The following LIN7A variants were observed in gnomAD, a reference collection of about 807,000 sequenced individuals.
LIN7A encodes lin-7 cell polarity scaffold A.
In LIN7A, 25 loss-of-function variants were observed where a neutral mutation model predicts 29.8. The observed-to-expected ratio is 0.84, with a 90% CI of 0.61 to 1.17. The LOEUF (loss-of-function observed/expected upper bound fraction) is 1.17, where lower values mean the gene tolerates loss of function less well. Ranked by LOEUF, LIN7A falls within the 50% of genes most tolerant of loss-of-function variation. LIN7A has a pLI of 0.00. For synonymous variants in LIN7A, 118 were observed against 107.5 expected, an observed-to-expected ratio of 1.10 and a Z score of -0.60; for missense variants, 239 against 287.0, an observed-to-expected ratio of 0.83 and a Z score of 1.21.
rs992266784 is a variant in LIN7A, at chr12:80,797,010, T to A, written c.*717A>T. 1.6e-4 allele frequency: 24 copies of A among 152,076 alleles called. No homozygotes were observed. The highest frequency in any genetic ancestry group is 3.9e-4 in the Admixed American group (6 of 15,264). 9.4% of individuals were successfully genotyped at this position (152,076 alleles called of 1,614,324 possible). ...ATACATTATACTCTGTTGGAATTAA[T>A]AATAATAGATACAAGCAATAATTAA... On this transcript the variant is annotated 3_prime_UTR_variant, in exon 6 of 6. Transcript: ENST00000552864.
chr12:80,860,617 C>T (rs1873821172), intron 2 of LIN7A, among the ~76,000 whole-genome samples: 1 of 152,154 alleles, frequency 6.6e-6, no homozygotes. Context: ...GTAATGCTGG[C>T]AGGAATCAAA....
At chr12:80,897,183 C>T (rs1277889089) in intron 1 of LIN7A, among the ~76,000 whole-genome samples, 1 of 151,416 alleles carries the variant, frequency 6.6e-6, no homozygotes, top group Non-Finnish European at 1.5e-5. Flanking sequence ...TTTTGCCTTC[C>T]TTTCTGTTTC....
chr12:80,920,862 T>C (rs1270455484), intron 1 of LIN7A, among the ~76,000 whole-genome samples: 2 of 152,296 alleles, frequency 1.3e-5, no homozygotes, highest in East Asian at 1.9e-4. Context: ...ATATGTACCA[T>C]ATTAAGTTGT....
chr12:80,933,838 G>A (rs1878055381), intron 1 of LIN7A, among the ~76,000 whole-genome samples: 1 of 152,020 alleles, frequency 6.6e-6, no homozygotes, highest in Non-Finnish European at 1.5e-5. Flanking sequence ...CCCATTTATA[G>A]CACTCTCCTT....
chr12:80,912,273 A>G (rs1462872024), intron 1 of LIN7A, among the ~76,000 whole-genome samples: 1 of 151,960 alleles, frequency 6.6e-6, no homozygotes, highest in Admixed American at 6.6e-5. Context: ...CATTAGTTAT[A>G]TAAAAGGCAT....
intron 2 of LIN7A, among the ~76,000 whole-genome samples, chr12:80,873,139 T>C (rs1047037828): frequency 1.3e-5 from 2 of 152,010 alleles, no homozygotes; most frequent in Non-Finnish European, 2.9e-5. Flanking sequence ...TAGGAAGAGG[T>C]GTGAAGCAAT....
At chr12:80,846,130 T>TC (rs1050665675) in intron 3 of LIN7A, among the ~76,000 whole-genome samples, 191 bp from the exon 4 acceptor site, 3 of 152,176 alleles carry the variant, frequency 2.0e-5, no homozygotes, top group Admixed American at 6.5e-5. Context: ...TTTGGTAAAG[T>TC]CCCACTCATC....
intron 2 of LIN7A, among the ~76,000 whole-genome samples, chr12:80,873,693 C>T (rs981470800): frequency 6.6e-5 from 10 of 152,060 alleles, no homozygotes; most frequent in Admixed American, 5.9e-4. Flanking sequence ...GTCATTAATG[C>T]CACTGGTCAC....
In LIN7A at chr12:80,845,862, G is replaced by C. The variant is rs539927453; in HGVS notation, c.351C>G (p.Gly117=). ...RVVELPKTDE[G]LGFNVMGGKE... is the part of the protein sequence containing the mutation. ...TTCCTCCCATCACATTAAAACCAAGGCCTTCATCAGTCTTTGGCAGTTCAA... is the reference window on the plus strand; with the variant it reads ...TTCCTCCCATCACATTAAAACCAAGCCCTTCATCAGTCTTTGGCAGTTCAA... The change falls in exon 4 of 6, where the codon GGC becomes GGG. Residue 117 remains glycine (G), a synonymous_variant. Coordinates refer to ENST00000552864, the MANE Select transcript of LIN7A (RefSeq NM_004664.4). The C allele has an allele frequency of 6.2e-7, 1 of 1,613,138 alleles. No homozygotes were observed. Among genetic ancestry groups the C allele is most frequent in the African/African-American group, 1.3e-5 (1 of 74,754 alleles).
chr12:80,808,862 G>T (rs1249645474), intron 5 of LIN7A, among the ~76,000 whole-genome samples: 3 of 152,014 alleles, frequency 2.0e-5, no homozygotes, highest in Non-Finnish European at 2.9e-5. Context: ...ACTAAAATAT[G>T]GTACATATAA....
At chr12:80,913,325 A>G (rs1876860856) in intron 1 of LIN7A, among the ~76,000 whole-genome samples, 1 of 152,230 alleles carries the variant, frequency 6.6e-6, no homozygotes. Context: ...TCTGGTGATG[A>G]CGCTTTTCAG....
intron 2 of LIN7A, among the ~76,000 whole-genome samples, chr12:80,857,126 C>T (rs1000565824): frequency 4.6e-5 from 7 of 152,280 alleles, no homozygotes; most frequent in East Asian, 1.9e-4. Context: ...ATCCATGTCA[C>T]GAGAACTTAG....
At chr12:80,927,446 G>T (rs1877666358) in intron 1 of LIN7A, among the ~76,000 whole-genome samples, 1 of 152,158 alleles carries the variant, frequency 6.6e-6, no homozygotes, top group Non-Finnish European at 1.5e-5. Flanking sequence ...ACCACGCCCG[G>T]CCACAGTAAA....
At chr12:80,832,741 G>A (rs143033422) in intron 4 of LIN7A, 3 of 422,794 alleles carry the variant, frequency 7.1e-6, no homozygotes, top group Non-Finnish European at 1.4e-5. Flanking sequence ...TCATATTTAT[G>A]GCATAGTGTA....
At chr12:80,933,731 T>C (rs1878047627) in intron 1 of LIN7A, among the ~76,000 whole-genome samples, 1 of 152,124 alleles carries the variant, frequency 6.6e-6, no homozygotes. Flanking sequence ...TTTCCCCAGG[T>C]ATCTGCAACT....
chr12:80,838,357 T>C lies in LIN7A; in HGVS notation c.483+7373A>G, dbSNP rs78681026. Among the ~76,000 whole-genome samples, 346 of 152,356 alleles carry C rather than the reference T, an allele frequency of 2.3e-3. 14 individuals are homozygous for C. In the East Asian group the frequency reaches 0.056, roughly 25 times the overall value. On this transcript the variant is annotated intron_variant, in intron 4 of 5. Coordinates refer to ENST00000552864, the MANE Select transcript of LIN7A (RefSeq NM_004664.4). Reference sequence around the variant, plus strand: ...ACCTGTGAACTATAGTTACCTGTGCTATTGAGATAGCACGATATTTCCCTG... The same window carrying C: ...ACCTGTGAACTATAGTTACCTGTGCCATTGAGATAGCACGATATTTCCCTG...
chr12:80,850,474 C>T (rs1027315713), intron 2 of LIN7A, among the ~76,000 whole-genome samples: 63 of 152,206 alleles, frequency 4.1e-4, no homozygotes, highest in African/African-American at 1.4e-3. Context: ...ATGAGCAGTT[C>T]GTGAACACTG....
intron 4 of LIN7A, among the ~76,000 whole-genome samples, chr12:80,819,184 T>A (rs1871678752): frequency 6.6e-6 from 1 of 152,212 alleles, no homozygotes; most frequent in African/African-American, 2.4e-5. Context: ...AATCTCTTAC[T>A]GTGCCTCATT....
intron 4 of LIN7A, among the ~76,000 whole-genome samples, chr12:80,824,118 A>G (rs1018181329): frequency 2.6e-5 from 4 of 152,168 alleles, no homozygotes; most frequent in African/African-American, 9.6e-5. Context: ...TTGATAGTCA[A>G]TTAATGAGAT....
Sources: allele counts gnomAD v4.1 joint callset (sites outside exome capture counted in the v4.1 genomes callset), GRCh38; gene constraint gnomAD v4.1.1; transcripts MANE v1.5; gene names NCBI Gene and HGNC (gene_info 2026-07-23, HGNC 2026-07-21).